The following PLXND1 variants were observed in gnomAD, a reference collection of about 807,000 sequenced individuals.
The protein encoded by PLXND1 is plexin D1.
PLXND1 carries 54 observed loss-of-function variants against 197.7 expected under a neutral mutation model. The observed-to-expected ratio is 0.27, with a 90% CI of 0.22 to 0.34. PLXND1 has a LOEUF of 0.34. Among genes scored for constraint, PLXND1 ranks in the 10% least tolerant of loss-of-function variants. The probability of loss-of-function intolerance (pLI) is 1.00; values close to 1 mark genes in which losing one functional copy is unlikely to be tolerated. For synonymous variants in PLXND1, 1,180 were observed against 1,161.2 expected (o/e 1.02, Z -0.33); for missense variants, 2,127 against 2,699.2 (o/e 0.79, Z 4.70).
At chr3:129,556,583 C>G in intron 35 of PLXND1, 34 bp downstream of exon 35, 1 of 1,530,370 alleles carries the variant, frequency 6.5e-7, no homozygotes, top group Non-Finnish European at 9.0e-7. Flanking sequence ...GCTCACCTAC[C>G]CCGAGGGCAG....
At chr3:129,572,482 G>T in intron 15 of PLXND1, 127 bp downstream of exon 15, 1 of 767,522 alleles carries the variant, frequency 1.3e-6, no homozygotes, top group Non-Finnish European at 2.0e-6. Flanking sequence ...AAGGGGCTTG[G>T]CTTAGGGGAC....
Position 129,605,780 on chromosome 3 carries a change from G to T in PLXND1, c.860C>A (p.Ser287Tyr). Residue 287 changes from serine to tyrosine, a missense_variant, in exon 1 of 36, where the codon TCC (serine) becomes TAC (tyrosine). By Grantham distance (144) the Ser-to-Tyr change is moderately radical. Around this residue, in one of 6 missense-constraint regions of PLXND1, gnomAD observed 1,095 missense variants for 1,259.8 expected, o/e 0.87. Transcript: ENST00000324093. ...LGFVSAFLHP[S>Y]DPPPGAQSYA... ...GGACTGTGCACCCGGCGGCGGGTCGGACGGGTGCAGGAAGGCGCTCACGAA... is the reference window on the plus strand; with the variant it reads ...GGACTGTGCACCCGGCGGCGGGTCGTACGGGTGCAGGAAGGCGCTCACGAA... 1 of 1,583,148 alleles carries T rather than the reference G, an allele frequency of 6.3e-7. No individual in the cohort carries two copies. The highest frequency in any genetic ancestry group is 8.6e-7 in the Non-Finnish European group (1 of 1,165,898).
At chr3:129,573,504 A>G in intron 13 of PLXND1, 90 bp downstream of exon 13, 3 of 1,285,290 alleles carry the variant, frequency 2.3e-6, no homozygotes, top group Non-Finnish European at 3.3e-6. Context: ...CAGCAGAGTG[A>G]GGACAGAGGA....
chr3:129,565,161 G>A (rs1013601043), intron 25 of PLXND1, among the ~76,000 whole-genome samples, 179 bp downstream of exon 25: 3 of 152,150 alleles, frequency 2.0e-5, no homozygotes, highest in Admixed American at 6.5e-5. Flanking sequence ...CTTCCCCGGG[G>A]CCATGGCTCC....
intron 32 of PLXND1, chr3:129,559,388 G>A: frequency 2.1e-6 from 1 of 470,440 alleles, no homozygotes; most frequent in Non-Finnish European, 3.8e-6. Flanking sequence ...CCTAGACCAT[G>A]CTTCTGGGCA....
At chr3:129,573,089 A>T in intron 13 of PLXND1, 148 bp from the exon 14 acceptor site, 1 of 629,352 alleles carries the variant, frequency 1.6e-6, no homozygotes, top group East Asian at 2.8e-5. Flanking sequence ...ACAGTTCTGC[A>T]ACTATAAGAC....
chr3:129,565,981 T>C lies in PLXND1; in HGVS notation c.4228A>G (p.Ile1410Val), dbSNP rs769773155. 14 of 1,613,960 alleles carry C rather than the reference T, an allele frequency of 8.7e-6. No homozygotes were observed. In the Admixed American group the frequency reaches 2.2e-4, roughly 25 times the overall value. ...ESCRPNMEEG[I>V]SLFSSLLNNK... ...TTGAGTAGTGAGGAGAACAAGCTAA[T>C]TCCCTCTTCCATGTTGGGCCGGCAG... Residue 1410 changes from isoleucine to valine, a missense_variant, in exon 24 of 36, where the codon ATT (isoleucine) becomes GTT (valine). Ile to Val is a conservative substitution (Grantham distance 29). Around this residue, in one of 6 missense-constraint regions of PLXND1, gnomAD observed 532 missense variants for 811.0 expected, o/e 0.66. Coordinates refer to ENST00000324093, the MANE Select transcript of PLXND1 (RefSeq NM_015103.3).
intron 8 of PLXND1, among the ~76,000 whole-genome samples, chr3:129,579,136 C>A (rs2085353627): frequency 6.6e-6 from 1 of 151,626 alleles, no homozygotes; most frequent in Admixed American, 6.6e-5. Context: ...GGCAGAGCAG[C>A]TGCTTCATGG....
chr3:129,582,543 G>A (rs72990033), intron 8 of PLXND1, among the ~76,000 whole-genome samples: 1 of 152,208 alleles, frequency 6.6e-6, no homozygotes, highest in South Asian at 2.1e-4. Context: ...ATACGCGCCA[G>A]GTCTGAGAGG....
chr3:129,604,580 T>G (rs1321545972), intron 1 of PLXND1, among the ~76,000 whole-genome samples: 1 of 152,190 alleles, frequency 6.6e-6, no homozygotes, highest in Non-Finnish European at 1.5e-5. Context: ...TACCCCAGAC[T>G]CCCACACCTG....
At position 129,573,678 on chromosome 3, in the gene PLXND1, C is replaced by A. The variant is rs767215800; in HGVS notation, c.2753G>T (p.Arg918Leu). 5.0e-6 allele frequency: 8 copies of A among 1,613,628 alleles called. No homozygotes were observed. Among genetic ancestry groups the A allele is most frequent in the East Asian group, 4.5e-5 (2 of 44,880 alleles). ...GCCGTGGGCCACGTCACTGAGCCGCCGGCCCAGGTTCCTTCCTCGGATGGT... is the reference window on the plus strand; with the variant it reads ...GCCGTGGGCCACGTCACTGAGCCGCAGGCCCAGGTTCCTTCCTCGGATGGT... ...LLTIRGRNLG[R>L]RLSDVAHGVW... Residue 918 changes from arginine to leucine, a missense_variant, in exon 13 of 36, where the codon CGG becomes CTG. Transcript: ENST00000324093.
In PLXND1 at chr3:129,586,025, G is replaced by T; in HGVS notation, c.1778C>A (p.Ala593Asp). The T allele has an allele frequency of 1.2e-6, 2 of 1,613,994 alleles. No homozygotes were observed. Among genetic ancestry groups the T allele is most frequent in the Non-Finnish European group, 1.7e-6 (2 of 1,180,000 alleles). ...AGGACAGCGGCTGGGGCCCTCGCTG[G>T]CACTGGTCCAGAAATGCTGCTGGCT... is the stretch of plus-strand genomic sequence containing the variant. The part of the protein sequence containing the change: ...NSSQQHFWTS[A>D]SEGPSRCPAM... Residue 593 changes from alanine to aspartate, a missense_variant, in exon 5 of 36, where the codon GCC becomes GAC. Ala to Asp is a moderately radical substitution (Grantham distance 126). Transcript: ENST00000324093.
At chr3:129,603,327 C>A (rs2085737462) in intron 1 of PLXND1, among the ~76,000 whole-genome samples, 2 of 152,190 alleles carry the variant, frequency 1.3e-5, no homozygotes, top group Non-Finnish European at 2.9e-5. Flanking sequence ...TGAGTCACTG[C>A]ACCGAGGGAG....
chr3:129,592,663 G>T (rs1334453781), intron 1 of PLXND1, among the ~76,000 whole-genome samples: 2 of 148,450 alleles, frequency 1.3e-5, no homozygotes, highest in African/African-American at 5.0e-5. Context: ...ATTCTGCACC[G>T]AAGGAATTTT....
rs1160490612 is a variant in PLXND1 at position 129,557,226 on chromosome 3, G to T, written c.5446-3C>A. 2 of 1,613,908 alleles carry T rather than the reference G, an allele frequency of 1.2e-6. No homozygotes were observed. The highest frequency in any genetic ancestry group is 2.7e-5 in the African/African-American group (2 of 74,904). On this transcript the variant is annotated splice_region_variant and splice_polypyrimidine_tract_variant and intron_variant, in intron 33 of 35. Coordinates refer to ENST00000324093, the MANE Select transcript of PLXND1 (RefSeq NM_015103.3). The surrounding 1 kb of genome is among the most constrained non-coding windows in gnomAD (Gnocchi z 4.8). ...AGGAGCTTGTTGGTTGGCGAATCCT[G>T]GGCAGAGAAGAGCGAGGGTGTTAGA... is the stretch of plus-strand genomic sequence containing the variant.
intron 1 of PLXND1, among the ~76,000 whole-genome samples, chr3:129,597,824 C>T (rs528593861): frequency 7.2e-4 from 110 of 152,368 alleles, no homozygotes; most frequent in African/African-American, 2.5e-3. Context: ...TCCAAGTCCA[C>T]GTGGCTGGCA....
In PLXND1 at chr3:129,556,427, A is replaced by G. The variant is rs2084974116; in HGVS notation, c.5663T>C (p.Ile1888Thr). Residue 1888 changes from isoleucine to threonine, a missense_variant and splice_region_variant, in exon 36 of 36, where the codon ATC becomes ACC. This residue lies in a region of PLXND1 where 200 missense variants were observed against 303.3 expected (regional missense o/e 0.66). Transcript: ENST00000324093. ...GGGGTTGGCCTCCAGCGCGGCCATG[A>G]TCTGAGGGGAGCAGCGGAGTCAGCC... ...YKYAKRYRPQ[I>T]MAALEANPTA... The G allele has an allele frequency of 6.2e-7, 1 of 1,612,230 alleles. No individual in the cohort carries two copies. The highest frequency in any genetic ancestry group is 1.3e-5 in the African/African-American group (1 of 74,862).
Position 129,571,141 on chromosome 3 carries a change from T to G in PLXND1, c.3499A>C (p.Arg1167=). 1 of 1,614,214 alleles carries G rather than the reference T, an allele frequency of 6.2e-7. No homozygotes were observed. Among genetic ancestry groups the G allele is most frequent in the East Asian group, 2.2e-5 (1 of 44,890 alleles). Residue 1167 remains arginine, a synonymous_variant, in exon 18 of 36, where the codon AGG becomes CGG. Coordinates refer to ENST00000324093, the MANE Select transcript of PLXND1 (RefSeq NM_015103.3). ...LDPEEAQRGS[R]FRLDYLPNPQ... ...TTGGGGAGGTAGTCCAGGCGGAACCTGCTGCCCCGCTGTGCCTCCTCGGGG... is the reference window on the plus strand; with the variant it reads ...TTGGGGAGGTAGTCCAGGCGGAACCGGCTGCCCCGCTGTGCCTCCTCGGGG...
intron 1 of PLXND1, among the ~76,000 whole-genome samples, chr3:129,602,257 C>T (rs937530511): frequency 1.3e-5 from 2 of 152,186 alleles, no homozygotes; most frequent in African/African-American, 2.4e-5. Context: ...AGGATAAAGT[C>T]CAGACTCCCA....
Sources: allele counts gnomAD v4.1 joint callset (sites outside exome capture counted in the v4.1 genomes callset), GRCh38; gene constraint gnomAD v4.1.1; regional missense constraint gnomAD v4.1.1; non-coding constraint Gnocchi (gnomAD v3.1); transcripts MANE v1.5; gene names NCBI Gene and HGNC (gene_info 2026-07-23, HGNC 2026-07-21).